Variants in SORCS2 observed in about 807,000 individuals in gnomAD.
SORCS2 encodes the protein sortilin related VPS10 domain containing receptor 2, also known as VPS10 domain-containing receptor SorCS2.
A neutral mutation model predicts 141.6 loss-of-function variants in SORCS2; 100 were observed. The observed-to-expected ratio is 0.71, with a 90% CI of 0.60 to 0.83. The LOEUF is 0.83. Ranked by LOEUF, SORCS2 falls within the 40% of genes least tolerant of loss-of-function variation. SORCS2 has a pLI of 0.00. For synonymous variants in SORCS2, 789 were observed against 676.9 expected (o/e 1.17, Z -2.57); for missense variants, 1,646 against 1,560.2 (o/e 1.05, Z -0.93).
At chr4:7,724,115 ATGGTGGTGGTGGTGG>A (rs757064728) in intron 19 of SORCS2, among the ~76,000 whole-genome samples, 4 of 145,110 alleles carry the variant, frequency 2.8e-5, no homozygotes, top group South Asian at 2.2e-4. Context: ...AGTGGTGGTG[ATGGTGGTGGTGGTGG>A]TGGTGGTGGT....
intron 2 of SORCS2, among the ~76,000 whole-genome samples, chr4:7,489,208 G>A (rs1166893027): frequency 6.6e-6 from 1 of 152,192 alleles, no homozygotes; most frequent in Non-Finnish European, 1.5e-5. Context: ...TCTGTCTTTG[G>A]GTGCTGGGTG....
chr4:7,327,140 C>T (rs148068291), intron 1 of SORCS2, among the ~76,000 whole-genome samples: 2,632 of 152,342 alleles, frequency 0.017, 81 homozygotes, highest in African/African-American at 0.06. Context: ...GCAGCTGCCG[C>T]CGCAACGTTC....
chr4:7,392,504 C>G (rs1407579172), intron 1 of SORCS2, among the ~76,000 whole-genome samples: 1 of 152,182 alleles, frequency 6.6e-6, no homozygotes, highest in Non-Finnish European at 1.5e-5. Context: ...TTTTTCCGCT[C>G]TGTGCTGGGC....
intron 1 of SORCS2, among the ~76,000 whole-genome samples, chr4:7,232,102 G>C (rs1711931322): frequency 6.6e-6 from 1 of 152,234 alleles, no homozygotes; most frequent in African/African-American, 2.4e-5. Context: ...AGGGTGGTGG[G>C]AGAGTCACTG....
At chr4:7,275,226 C>T (rs937334633) in intron 1 of SORCS2, among the ~76,000 whole-genome samples, 2 of 152,126 alleles carry the variant, frequency 1.3e-5, no homozygotes, top group Admixed American at 6.5e-5. Context: ...CAGGCACCCA[C>T]TCAGAAAACA....
chr4:7,394,569 G>GC (rs78288831), intron 1 of SORCS2, among the ~76,000 whole-genome samples: 71,360 of 149,322 alleles, frequency 0.48, 18,944 homozygotes, highest in Middle Eastern at 0.59. Context: ...TTGTGCAAAG[G>GC]CCCCAAATGC....
intron 3 of SORCS2, among the ~76,000 whole-genome samples, chr4:7,634,814 G>A (rs1361673920): frequency 1.3e-5 from 2 of 152,206 alleles, no homozygotes; most frequent in African/African-American, 4.8e-5. Flanking sequence ...GCTGACAGCT[G>A]GCACTCGGTC....
chr4:7,656,361 C>A (rs1283626714), intron 5 of SORCS2, among the ~76,000 whole-genome samples: 1 of 152,168 alleles, frequency 6.6e-6, no homozygotes. Context: ...GCAGCTGCCC[C>A]GCAGCCATCC....
intron 1 of SORCS2, among the ~76,000 whole-genome samples, chr4:7,340,896 C>G (rs1454698890): frequency 6.6e-6 from 1 of 152,200 alleles, no homozygotes; most frequent in Non-Finnish European, 1.5e-5. Context: ...AGGTCTGCAG[C>G]CAGGAGAAAT....
At chr4:7,351,638 CT>C (rs1234509371) in intron 1 of SORCS2, among the ~76,000 whole-genome samples, 1 of 151,876 alleles carries the variant, frequency 6.6e-6, no homozygotes, top group Non-Finnish European at 1.5e-5. Context: ...GCCCTTGTCC[CT>C]CCTCCTATCC....
intron 2 of SORCS2, among the ~76,000 whole-genome samples, chr4:7,397,775 GGCAGGCCCA>G (rs1647922361): frequency 6.6e-6 from 1 of 152,200 alleles, no homozygotes. Flanking sequence ...TCCTGGACAG[GGCAGGCCCA>G]GGGAGGGCGC....
chr4:7,651,746 C>A (rs1194795229), intron 4 of SORCS2, among the ~76,000 whole-genome samples: 1 of 152,206 alleles, frequency 6.6e-6, no homozygotes, highest in African/African-American at 2.4e-5. Flanking sequence ...CTCCTCCCAA[C>A]CCAGAACAGA....
chr4:7,382,202 A>C (rs1723033532), intron 1 of SORCS2, among the ~76,000 whole-genome samples: 1 of 152,096 alleles, frequency 6.6e-6, no homozygotes, highest in Non-Finnish European at 1.5e-5. Context: ...CCTGGAGCTG[A>C]GCGGGGAGCA....
At chr4:7,697,639 C>G (rs1257570693) in intron 12 of SORCS2, among the ~76,000 whole-genome samples, 1 of 152,208 alleles carries the variant, frequency 6.6e-6, no homozygotes. Flanking sequence ...GCCAGGGAGC[C>G]ACATGGTGCT....
intron 1 of SORCS2, among the ~76,000 whole-genome samples, chr4:7,313,712 C>A (rs1057300134): frequency 2.6e-5 from 4 of 152,204 alleles, no homozygotes; most frequent in Admixed American, 2.0e-4. Context: ...CTCCCCTTGT[C>A]TCTGGTCTGA....
intron 1 of SORCS2, among the ~76,000 whole-genome samples, chr4:7,380,181 T>C (rs1197279930): frequency 6.6e-6 from 1 of 152,136 alleles, no homozygotes; most frequent in Admixed American, 6.5e-5. Flanking sequence ...AGCCTGGGGT[T>C]TGGGGGCTTA....
chr4:7,479,435 A>G (rs1026787408), intron 2 of SORCS2, among the ~76,000 whole-genome samples: 1 of 152,054 alleles, frequency 6.6e-6, no homozygotes, highest in Non-Finnish European at 1.5e-5. Flanking sequence ...AGGACATCCT[A>G]AGGCTTAGAG....
intron 8 of SORCS2, among the ~76,000 whole-genome samples, chr4:7,672,223 G>A (rs1343011793): frequency 6.6e-6 from 1 of 152,156 alleles, no homozygotes; most frequent in Non-Finnish European, 1.5e-5. Context: ...GACTACAGCC[G>A]TGATCCACCA....
intron 1 of SORCS2, among the ~76,000 whole-genome samples, chr4:7,365,104 A>G (rs1211571651): frequency 6.6e-6 from 1 of 152,188 alleles, no homozygotes; most frequent in Non-Finnish European, 1.5e-5. Flanking sequence ...AGCGTTAGCT[A>G]TGATTTGTAT....
Sources: allele counts gnomAD v4.1 joint callset (sites outside exome capture counted in the v4.1 genomes callset), GRCh38; gene constraint gnomAD v4.1.1; transcripts MANE v1.5; gene names NCBI Gene and HGNC (gene_info 2026-07-23, HGNC 2026-07-21).